Variants in TMC2 observed in about 807,000 individuals in gnomAD.
TMC2 encodes the protein transmembrane channel-like protein 2.
TMC2 carries 102 observed loss-of-function variants against 105.9 expected under a neutral mutation model. That is an observed-to-expected ratio of 0.96 (90% CI 0.82 to 1.14). The LOEUF (loss-of-function observed/expected upper bound fraction) is 1.14, where lower values mean the gene tolerates loss of function less well. Among genes scored for constraint, TMC2 ranks in the 50% most tolerant of loss-of-function variants. The probability of loss-of-function intolerance (pLI) is 0.00; values close to 1 mark genes in which losing one functional copy is unlikely to be tolerated. For missense variants in TMC2, 1,093 were observed against 1,134.3 expected, an observed-to-expected ratio of 0.96 and a Z score of 0.52; for synonymous variants, 402 against 422.8, an observed-to-expected ratio of 0.95 and a Z score of 0.60.
intron 5 of TMC2, among the ~76,000 whole-genome samples, chr20:2,575,717 C>G: frequency 6.6e-6 from 1 of 152,018 alleles, no homozygotes; most frequent in Non-Finnish European, 1.5e-5. Context: ...CCCCCCACCC[C>G]CATCCCCCAT....
At chr20:2,566,557 C>T (rs892630993) in intron 4 of TMC2, among the ~76,000 whole-genome samples, 13 of 152,208 alleles carry the variant, frequency 8.5e-5, no homozygotes, top group African/African-American at 3.1e-4. Flanking sequence ...GAAAACTACC[C>T]AAACTGCTTT....
Position 2,616,258 on chromosome 20 carries a change from G to A in TMC2, c.1940+54G>A. The A allele has an allele frequency of 1.3e-6, 2 of 1,485,576 alleles. No individual in the cohort carries two copies. Among genetic ancestry groups the A allele is most frequent in the Non-Finnish European group, 1.9e-6 (2 of 1,063,424 alleles). The allele number at this position is 1,485,576 out of a possible 1,614,324, so 92.0% of individuals were successfully genotyped here. A position where few individuals can be genotyped will look rare whatever the true frequency, so the allele number is the denominator to read the frequency against. On this transcript the variant is annotated intron_variant, in intron 15 of 19. Coordinates refer to ENST00000358864, the MANE Select transcript of TMC2 (RefSeq NM_080751.3). This position sits in a 1 kb window ranked among gnomAD's most constrained non-coding sequence, Gnocchi z 4.8. The stretch of plus-strand genomic sequence containing the variant: ...CCTCATCCAAGGAGTCAAAAAACTG[G>A]AATCCCAGACTTTGCAACTTAACTA...
At chr20:2,598,337 C>A (rs1218944733) in intron 10 of TMC2, among the ~76,000 whole-genome samples, 1 of 152,088 alleles carries the variant, frequency 6.6e-6, no homozygotes, top group Non-Finnish European at 1.5e-5. Context: ...GGTGGGCAAA[C>A]CTTTGCACGT....
At chr20:2,631,165 C>G (rs1320035196) in intron 17 of TMC2, among the ~76,000 whole-genome samples, 1 of 152,032 alleles carries the variant, frequency 6.6e-6, no homozygotes, top group Non-Finnish European at 1.5e-5. Flanking sequence ...TTAATACCAA[C>G]TTAATTATAA....
At chr20:2,589,270 C>CTGTGTGTGTGTGTGTG (rs750496572) in intron 7 of TMC2, among the ~76,000 whole-genome samples, 2,335 of 116,044 alleles carry the variant, frequency 0.02, 114 homozygotes, top group African/African-American at 0.035. Context: ...CCTATTTGCC[C>CTGTGTGTGTGTGTGTG]TGTGTGTGTG....
At chr20:2,579,343 A>G (rs1568512316) in intron 6 of TMC2, 116 bp downstream of exon 6, 4 of 448,686 alleles carry the variant, frequency 8.9e-6, no homozygotes, top group Non-Finnish European at 1.6e-5. Context: ...TTGTATTAGG[A>G]AAAAAGAATG....
At chr20:2,622,401 C>T (rs2086531605) in intron 16 of TMC2, among the ~76,000 whole-genome samples, 1 of 152,188 alleles carries the variant, frequency 6.6e-6, no homozygotes, top group African/African-American at 2.4e-5. Context: ...GGCGCAGTGG[C>T]TCACACCTGT....
rs539389122 is a variant in TMC2 at position 2,554,803 on chromosome 20, G to T, written c.83-3653G>T. The stretch of plus-strand genomic sequence containing the variant: ...CCATTATGATCTGAGAGAGTATATT[G>T]TATGATATCTATTGTCTTAAATTTG... On this transcript the variant is annotated intron_variant, in intron 2 of 19. Coordinates refer to ENST00000358864, the MANE Select transcript of TMC2 (RefSeq NM_080751.3). Among the ~76,000 whole-genome samples the T allele has an allele frequency of 8.8e-5, 13 of 147,304 alleles. No individual in the cohort carries two copies. In the East Asian group the frequency reaches 2.8e-3, roughly 32 times the overall value.
intron 18 of TMC2, among the ~76,000 whole-genome samples, chr20:2,636,478 A>ACACG (rs1555778107): frequency 4.6e-5 from 7 of 151,450 alleles, no homozygotes; most frequent in African/African-American, 1.5e-4. Context: ...ACACACACAC[A>ACACG]CACACACACA....
At chr20:2,575,708 C>G (rs963274493) in intron 5 of TMC2, among the ~76,000 whole-genome samples, 2 of 151,636 alleles carry the variant, frequency 1.3e-5, no homozygotes, top group African/African-American at 2.4e-5. Flanking sequence ...GGATTGCCTC[C>G]CCCCACCCCC....
At chr20:2,640,164 T>C (rs1480915030) in intron 19 of TMC2, among the ~76,000 whole-genome samples, 2 of 152,052 alleles carry the variant, frequency 1.3e-5, no homozygotes, top group Non-Finnish European at 2.9e-5. Context: ...GTATTTTTAG[T>C]AGAGATGGGA....
intron 4 of TMC2, among the ~76,000 whole-genome samples, chr20:2,569,757 A>C (rs2086089681): frequency 6.6e-6 from 1 of 152,140 alleles, no homozygotes; most frequent in South Asian, 2.1e-4. Flanking sequence ...CATCACACCA[A>C]AATTATGGTA....
chr20:2,623,598 G>C (rs78684001), intron 16 of TMC2, among the ~76,000 whole-genome samples: 17,954 of 151,750 alleles, frequency 0.12, 1,211 homozygotes, highest in Middle Eastern at 0.17. Flanking sequence ...AGTGATAAAT[G>C]GGGGATCAAG....
intron 17 of TMC2, among the ~76,000 whole-genome samples, chr20:2,627,801 T>C (rs1179184219): frequency 6.6e-6 from 1 of 152,210 alleles, no homozygotes; most frequent in Non-Finnish European, 1.5e-5. Context: ...CTTTCTTCAT[T>C]TGATTTTCCA....
At chr20:2,610,711 T>C in intron 12 of TMC2, 113 bp downstream of exon 12, 1 of 625,750 alleles carries the variant, frequency 1.6e-6, no homozygotes, top group Non-Finnish European at 2.2e-6. Context: ...TAAATGTAAA[T>C]TAAGAAAAAT....
intron 11 of TMC2, among the ~76,000 whole-genome samples, chr20:2,605,473 G>GGAGA (rs140043829): frequency 6.6e-6 from 1 of 150,616 alleles, no homozygotes; most frequent in African/African-American, 2.4e-5. Context: ...GCATGTGCAT[G>GGAGA]GAGAGAGAGA....
At chr20:2,585,848 T>G (rs1426738779) in intron 7 of TMC2, among the ~76,000 whole-genome samples, 1 of 152,160 alleles carries the variant, frequency 6.6e-6, no homozygotes, top group Non-Finnish European at 1.5e-5. Flanking sequence ...AAAAGAAGCT[T>G]CCCACATAGA....
chr20:2,616,133 C>G lies in TMC2; in HGVS notation c.1873-4C>G. The G allele has an allele frequency of 1.2e-6, 2 of 1,611,696 alleles. No homozygotes were observed. Among genetic ancestry groups the G allele is most frequent in the Non-Finnish European group, 1.7e-6 (2 of 1,178,074 alleles). Reference sequence around the variant, plus strand: ...TCTCTCTCGCTCCCTCCCTCCCTCTCTAGCCTTCATATGCTGAGTTTGATA... The same window carrying G: ...TCTCTCTCGCTCCCTCCCTCCCTCTGTAGCCTTCATATGCTGAGTTTGATA... On this transcript the variant is annotated splice_polypyrimidine_tract_variant and splice_region_variant and intron_variant, in intron 14 of 19. Coordinates refer to ENST00000358864, the MANE Select transcript of TMC2 (RefSeq NM_080751.3). This position sits in a 1 kb window ranked among gnomAD's most constrained non-coding sequence, Gnocchi z 4.8.
rs1367330723 is a variant in TMC2 at position 2,641,327 on chromosome 20, G to C, written c.2697G>C (p.Lys899Asn). The C allele has an allele frequency of 1.2e-6, 2 of 1,613,894 alleles. No homozygotes were observed. The highest frequency in any genetic ancestry group is 1.7e-6 in the Non-Finnish European group (2 of 1,179,816). The stretch of plus-strand genomic sequence containing the variant: ...ATCCGTGGAGGTCAGCCTCTGGAAA[G>C]AGTGCTCAGAGACCTCCCCACTGAT... ...QTHPWRSASG[K>N]SAQRPPH The change falls in exon 20 of 20, where the codon AAG becomes AAC. Residue 899 changes from lysine (K) to asparagine (N), a missense_variant. Physicochemically the swap from Lys to Asn is moderately conservative, Grantham distance 94 (BLOSUM62 0). Coordinates refer to ENST00000358864, the MANE Select transcript of TMC2 (RefSeq NM_080751.3).
Sources: allele counts gnomAD v4.1 joint callset (sites outside exome capture counted in the v4.1 genomes callset), GRCh38; gene constraint gnomAD v4.1.1; non-coding constraint Gnocchi (gnomAD v3.1); transcripts MANE v1.5; gene names NCBI Gene and HGNC (gene_info 2026-07-23, HGNC 2026-07-21).